The following PAQR9 variants were observed in gnomAD, a reference collection of about 807,000 sequenced individuals.
PAQR9 encodes the protein progestin and adipoQ receptor family member 9, also known as membrane progestin receptor epsilon.
In PAQR9, 12 loss-of-function variants were observed where a neutral mutation model predicts 24.0. That is an observed-to-expected ratio of 0.50 (90% CI 0.32 to 0.81). The LOEUF (loss-of-function observed/expected upper bound fraction) is 0.81, where lower values mean the gene tolerates loss of function less well. Among genes scored for constraint, PAQR9 ranks in the 30% least tolerant of loss-of-function variants. The pLI, the probability that PAQR9 is intolerant of heterozygous loss-of-function variation, is 0.03. For missense variants in PAQR9, 418 were observed against 520.8 expected, an observed-to-expected ratio of 0.80 and a Z score of 1.92; for synonymous variants, 266 against 237.6, an observed-to-expected ratio of 1.12 and a Z score of -1.10.
At chr3:142,952,205 G>C (rs936519729), downstream of PAQR9, among the ~76,000 whole-genome samples, 13 of 152,136 alleles carry the variant, frequency 8.5e-5, no homozygotes, top group Non-Finnish European at 1.2e-4. Context: ...ATGTGTAATG[G>C]ATAGAGTGTG....
chr3:142,962,245 G>A lies in PAQR9; in HGVS notation c.1092C>T (p.Ile364=). 1.9e-6 allele frequency: 3 copies of A among 1,614,098 alleles called. No homozygotes were observed. The highest frequency in any genetic ancestry group is 2.2e-5 in the East Asian group (1 of 44,880). Residue 364 remains isoleucine (I), a synonymous_variant, in exon 1 of 1, where the codon ATC becomes ATT. Coordinates refer to ENST00000340634, the MANE Select transcript of PAQR9 (RefSeq NM_198504.4). The part of the protein sequence containing the change: ...LLLVVCLGLV[I]RKFLNSSEFC... ...ATTCGGAGCTGTTTAGGAACTTCCTGATTACCAGCCCCAGGCAGACCACCA... is the reference window on the plus strand; with the variant it reads ...ATTCGGAGCTGTTTAGGAACTTCCTAATTACCAGCCCCAGGCAGACCACCA...
chr3:142,964,001 A>T, upstream of PAQR9: 2 of 504,492 alleles, frequency 4.0e-6, no homozygotes, highest in Non-Finnish European at 5.1e-6. Flanking sequence ...GGCGTTCTGG[A>T]GGACACTGGG....
rs1934897793 is a variant in PAQR9 at position 142,961,944 on chromosome 3, A to G, written c.*259T>C. ...CCTTTGAGAAATCCCTGGATGTCAA[A>G]GACATCACCTGAATTTTTTCCAGGG... is the stretch of plus-strand genomic sequence containing the variant. On this transcript the variant is annotated 3_prime_UTR_variant, in exon 1 of 1. Coordinates refer to ENST00000340634, the MANE Select transcript of PAQR9 (RefSeq NM_198504.4). 4.2e-6 allele frequency: 2 copies of G among 470,942 alleles called. No homozygotes were observed. The highest frequency in any genetic ancestry group is 7.7e-6 in the Non-Finnish European group (2 of 261,432). The allele number at this position is 470,942 out of a possible 1,614,324, so 29.2% of individuals were successfully genotyped here.
chr3:142,953,628 G>A (rs1934749227), downstream of PAQR9, among the ~76,000 whole-genome samples: 2 of 152,138 alleles, frequency 1.3e-5, no homozygotes, highest in African/African-American at 4.8e-5. Flanking sequence ...ACACTCTTCA[G>A]GAGTGTGGAT....
chr3:142,952,974 C>G (rs989320337), downstream of PAQR9: 2 of 435,818 alleles, frequency 4.6e-6, no homozygotes, highest in African/African-American at 4.1e-5. Context: ...TCAAGAGATA[C>G]GAGACAGCCC....
chr3:142,962,488 C>T lies in PAQR9; in HGVS notation c.849G>A (p.Trp283Ter). ...CGTTGAAGAAGGCGGCCACCACCAG[C>T]CAGAAGTAGCGGCGGTAGAAGTGCA... ...LFVHFYRRYFWLVVAAFFNVS... is the reference protein window; with the variant it reads ...LFVHFYRRYF Residue 283 changes from tryptophan to a stop codon, truncating the protein, a stop_gained, in exon 1 of 1, where the codon TGG becomes TGA. Transcript: ENST00000340634. LOFTEE classifies it high-confidence loss of function. 1 of 1,613,168 alleles carries T rather than the reference C, an allele frequency of 6.2e-7. No homozygotes were observed. The highest frequency in any genetic ancestry group is 1.1e-5 in the South Asian group (1 of 90,950).
Position 142,963,552 on chromosome 3 carries a change from A to G in PAQR9, c.-216T>C. On this transcript the variant is annotated 5_prime_UTR_variant, in exon 1 of 1. Coordinates refer to ENST00000340634, the MANE Select transcript of PAQR9 (RefSeq NM_198504.4). ...AATAGGCAGCGCTGCGACCGCCAGG[A>G]GCGCGGAGCGCGCGAGGCTCAGCGG... 1 of 979,694 alleles carries G rather than the reference A, an allele frequency of 1.0e-6. No individual in the cohort carries two copies. 60.7% of individuals were successfully genotyped at this position (979,694 alleles called of 1,614,324 possible). A position where few individuals can be genotyped will look rare whatever the true frequency, so the allele number is the denominator to read the frequency against.
In PAQR9 at chr3:142,962,248, T is replaced by C; in HGVS notation, c.1089A>G (p.Val363=). The C allele has an allele frequency of 6.2e-7, 1 of 1,614,058 alleles. No homozygotes were observed. The highest frequency in any genetic ancestry group is 8.5e-7 in the Non-Finnish European group (1 of 1,180,032). ...CGGAGCTGTTTAGGAACTTCCTGAT[T>C]ACCAGCCCCAGGCAGACCACCAGCA... ...MLLLVVCLGL[V]IRKFLNSSEF... Residue 363 remains valine, a synonymous_variant, in exon 1 of 1, where the codon GTA becomes GTG. Transcript: ENST00000340634.
Position 142,963,310 on chromosome 3 carries a change from G to A in PAQR9, c.27C>T (p.Gly9=), listed in dbSNP as rs1425734607. The change falls in exon 1 of 1, where the codon GGC becomes GGT. Residue 9 remains glycine, a synonymous_variant. Transcript: ENST00000340634. MPRRLQPR[G]AGTKGPPAPA... ...GGGCCGGAGGGCCTTTTGTGCCCGC[G>A]CCCCGGGGCTGCAGGCGCCGCGGCA... The A allele has an allele frequency of 7.1e-7, 1 of 1,402,960 alleles. No homozygotes were observed. The highest frequency in any genetic ancestry group is 2.8e-5 in the East Asian group (1 of 35,332). 86.9% of individuals were successfully genotyped at this position (1,402,960 alleles called of 1,614,324 possible).
In PAQR9 at chr3:142,963,046, G is replaced by A; in HGVS notation, c.291C>T (p.Phe97=). The change falls in exon 1 of 1, where the codon TTC becomes TTT. Residue 97 remains phenylalanine (F), a synonymous_variant. Coordinates refer to ENST00000340634, the MANE Select transcript of PAQR9 (RefSeq NM_198504.4). ...AGAACAGACGGCAGAACTTGCTCAG[G>A]AACAGCAGCAGCGGGATGAAGTGCG... The part of the protein sequence containing the change: ...FWTHFIPLLL[F]LSKFCRLFFL... The A allele has an allele frequency of 3.1e-6, 5 of 1,614,168 alleles. No homozygotes were observed. The highest frequency in any genetic ancestry group is 4.2e-6 in the Non-Finnish European group (5 of 1,180,026).
chr3:142,961,994 C>G lies in PAQR9; in HGVS notation c.*209G>C, dbSNP rs972125015. The G allele has an allele frequency of 5.2e-6, 3 of 579,704 alleles. No individual in the cohort carries two copies. Among genetic ancestry groups the G allele is most frequent in the African/African-American group, 3.8e-5 (2 of 53,202 alleles). The allele number at this position is 579,704 out of a possible 1,614,324, so 35.9% of individuals were successfully genotyped here. A position where few individuals can be genotyped will look rare whatever the true frequency, so the allele number is the denominator to read the frequency against. Reference sequence around the variant, plus strand: ...GGCAAGAACAAGTGACTATCTCCCTCCCGCTTGACCACCCCTGCCAACCTC... The same window carrying G: ...GGCAAGAACAAGTGACTATCTCCCTGCCGCTTGACCACCCCTGCCAACCTC... On this transcript the variant is annotated 3_prime_UTR_variant, in exon 1 of 1. Transcript: ENST00000340634.
Position 142,954,669 on chromosome 3 carries a change from A to G in PAQR9, c.*7534T>C, listed in dbSNP as rs73003350. Among the ~76,000 whole-genome samples, 6,917 of 152,306 alleles carry G rather than the reference A, an allele frequency of 0.045. 312 individuals carry two copies. Among genetic ancestry groups the G allele is most frequent in the African/African-American group, 0.12 (4,811 of 41,550 alleles). ...TCATATTATTTACACAGAATTTCAT[A>G]TTCAAGACTGTAGGGAACAAATGTC... On this transcript the variant is annotated 3_prime_UTR_variant, in exon 1 of 1. Transcript: ENST00000340634.
chr3:142,949,222 T>G (rs1934683602), exon 3 of PAQR9: 1 of 152,238 alleles, frequency 6.6e-6, no homozygotes, highest in Non-Finnish European at 1.5e-5. Flanking sequence ...CTGTTTCCTT[T>G]TGTACTTTAT....
chr3:142,958,624 C>T lies in PAQR9; in HGVS notation c.*3579G>A, dbSNP rs2108241058. Among the ~76,000 whole-genome samples, 1 of 152,272 alleles carries T rather than the reference C, an allele frequency of 6.6e-6. No homozygotes were observed. Among genetic ancestry groups the T allele is most frequent in the East Asian group, 1.9e-4 (1 of 5,180 alleles). On this transcript the variant is annotated 3_prime_UTR_variant, in exon 1 of 1. Coordinates refer to ENST00000340634, the MANE Select transcript of PAQR9 (RefSeq NM_198504.4). ...AAATCACCTCTGTCCCAAAATTTTGCATTCTTAGAAATGATTCCTATGAAG... is the reference window on the plus strand; with the variant it reads ...AAATCACCTCTGTCCCAAAATTTTGTATTCTTAGAAATGATTCCTATGAAG...
Position 142,962,262 on chromosome 3 carries a change from A to T in PAQR9, c.1075T>A (p.Cys359Ser). Residue 359 changes from cysteine (C) to serine (S), a missense_variant, in exon 1 of 1, where the codon TGC (cysteine) becomes AGC (serine). Physicochemically the swap from Cys to Ser is moderately radical, Grantham distance 112. Transcript: ENST00000340634. ...TVGYMLLLVVCLGLVIRKFLN... is the reference protein window; with the variant it reads ...TVGYMLLLVVSLGLVIRKFLN... ...AACTTCCTGATTACCAGCCCCAGGC[A>T]GACCACCAGCAGCAGCATGTAGCCC... The T allele has an allele frequency of 6.2e-7, 1 of 1,614,170 alleles. No homozygotes were observed. The highest frequency in any genetic ancestry group is 8.5e-7 in the Non-Finnish European group (1 of 1,180,042).
chr3:142,951,586 G>A (rs1934711821), downstream of PAQR9: 1 of 403,896 alleles, frequency 2.5e-6, no homozygotes, highest in African/African-American at 2.1e-5. Context: ...GGATTTATTA[G>A]TAGGCATTGG....
downstream of PAQR9, among the ~76,000 whole-genome samples, chr3:142,951,142 C>G (rs1045080546): frequency 1.3e-5 from 2 of 152,134 alleles, no homozygotes; most frequent in African/African-American, 4.8e-5. Flanking sequence ...GTGTCAAACT[C>G]CTAGCCTCAA....
Position 142,954,688 on chromosome 3 carries a change from A to C in PAQR9, c.*7515T>G, listed in dbSNP as rs1277350048. Among the ~76,000 whole-genome samples the C allele has an allele frequency of 6.6e-6, 1 of 152,236 alleles. No individual in the cohort carries two copies. The highest frequency in any genetic ancestry group is 1.5e-5 in the Non-Finnish European group (1 of 68,046). On this transcript the variant is annotated 3_prime_UTR_variant, in exon 1 of 1. Coordinates refer to ENST00000340634, the MANE Select transcript of PAQR9 (RefSeq NM_198504.4). ...TTTCATATTCAAGACTGTAGGGAAC[A>C]AATGTCTCAGGAAACCAAAATCATA...
At chr3:142,951,880 A>T (rs1934717577), downstream of PAQR9, 2 of 410,366 alleles carry the variant, frequency 4.9e-6, no homozygotes, top group South Asian at 3.6e-5. Flanking sequence ...GGGAAAGAGG[A>T]TCTCAGAAAA....
Sources: gnomAD v4.1 joint callset for allele counts (sites outside exome capture counted in the v4.1 genomes callset) on GRCh38, gnomAD v4.1.1 for gene constraint, MANE v1.5 for transcripts, NCBI Gene and HGNC (gene_info 2026-07-23, HGNC 2026-07-21) for gene names.